The following CBX7 variants were observed in gnomAD, a reference collection of about 807,000 sequenced individuals.
The protein encoded by CBX7 is chromobox protein homolog 7.
In CBX7, 14 loss-of-function variants were observed where a neutral mutation model predicts 31.4. That is an observed-to-expected ratio of 0.45 (90% confidence interval 0.29 to 0.70). The LOEUF (loss-of-function observed/expected upper bound fraction) is 0.70, where lower values mean the gene tolerates loss of function less well. Among genes scored for constraint, CBX7 ranks in the 30% least tolerant of loss-of-function variants. CBX7 has a pLI of 0.11. For missense variants in CBX7, 269 were observed against 351.9 expected (o/e 0.76, Z 1.89); for synonymous variants, 159 against 152.6 (o/e 1.04, Z -0.31).
At chr22:39,149,034 C>G (rs900109944) in intron 2 of CBX7, 1 of 79,896 alleles carries the variant, frequency 1.3e-5, no homozygotes, top group African/African-American at 1.1e-4. Context: ...ACGACTAGCT[C>G]ATTCCCTCCC....
chr22:39,133,639 C>G lies in CBX7; in HGVS notation c.*252G>C, dbSNP rs1249430393. The G allele has an allele frequency of 1.6e-5, 6 of 386,322 alleles. No individual in the cohort carries two copies. The allele number at this position is 386,322 out of a possible 1,614,324, so 23.9% of individuals were successfully genotyped here. On this transcript the variant is annotated 3_prime_UTR_variant, in exon 6 of 6. Coordinates refer to ENST00000216133, the MANE Select transcript of CBX7 (RefSeq NM_175709.5). ...AATGGTGGTGTCCCGGGCAGGTGATCCTGTCCCCATCCTGCCCTGGGGGTG... is the reference window on the plus strand; with the variant it reads ...AATGGTGGTGTCCCGGGCAGGTGATGCTGTCCCCATCCTGCCCTGGGGGTG...
chr22:39,149,928 C>G (rs1465534163), intron 1 of CBX7, 96 bp from the exon 2 acceptor site: 2 of 933,054 alleles, frequency 2.1e-6, no homozygotes, highest in Non-Finnish European at 3.5e-6. Context: ...AGCTCCAAAT[C>G]CCATCTGCAG....
In CBX7 at chr22:39,141,353, G is replaced by A. The variant is rs1033291320; in HGVS notation, c.179+18C>T. On this transcript the variant is annotated intron_variant, in intron 3 of 5. Transcript: ENST00000216133. The stretch of plus-strand genomic sequence containing the variant: ...AGCCGGCCCTAAGCCCCACCCGGCG[G>A]TGCCGAGGACACCGTACTTCTCCTC... The A allele has an allele frequency of 1.2e-6, 2 of 1,607,112 alleles. No individual in the cohort carries two copies. The highest frequency in any genetic ancestry group is 1.7e-6 in the Non-Finnish European group (2 of 1,176,896).
At position 39,139,188 on chromosome 22, in the gene CBX7, C is replaced by T. The variant is rs1016856751; in HGVS notation, c.180-486G>A. On this transcript the variant is annotated intron_variant, in intron 3 of 5. Transcript: ENST00000216133. ...TGGGATCTCTGTGAACCTGGGAGAG[C>T]GGACCGGCTCCTACCCTGTCTGTCC... is the stretch of plus-strand genomic sequence containing the variant. Among the ~76,000 whole-genome samples, 14 of 152,138 alleles carry T rather than the reference C, an allele frequency of 9.2e-5. 1 individual carries two copies. Among genetic ancestry groups the T allele is most frequent in the South Asian group, 6.2e-4 (3 of 4,836 alleles).
At chr22:39,149,930 C>G in intron 1 of CBX7, 98 bp from the exon 2 acceptor site, 1 of 895,082 alleles carries the variant, frequency 1.1e-6, no homozygotes, top group Non-Finnish European at 1.9e-6. Flanking sequence ...CTCCAAATCC[C>G]ATCTGCAGAC....
rs2146349081 is a variant in CBX7 at position 39,133,810 on chromosome 22, C to G, written c.*81G>C. 7.7e-7 allele frequency: 1 copy of G among 1,298,656 alleles called. No individual in the cohort carries two copies. The highest frequency in any genetic ancestry group is 2.7e-5 in the East Asian group (1 of 37,388). 80.4% of individuals were successfully genotyped at this position (1,298,656 alleles called of 1,614,324 possible). A position where few individuals can be genotyped will look rare whatever the true frequency, so the allele number is the denominator to read the frequency against. ...TATTTTTTTAAATAAAATAATTACC[C>G]CGCCCCCAACCCATCCCTATCTCTG... On this transcript the variant is annotated 3_prime_UTR_variant, in exon 6 of 6. Transcript: ENST00000216133.
At chr22:39,142,795 G>A (rs572128403) in intron 2 of CBX7, among the ~76,000 whole-genome samples, 1 of 152,084 alleles carries the variant, frequency 6.6e-6, no homozygotes, top group South Asian at 2.1e-4. Flanking sequence ...ATTTCTGTCC[G>A]TGACGGCCTG....
rs566886290 is a variant in CBX7, at chr22:39,131,198, C to A, written c.*2693G>T. 6.6e-6 allele frequency: 1 copy of A among 152,570 alleles called. No homozygotes were observed. The highest frequency in any genetic ancestry group is 2.1e-4 in the South Asian group (1 of 4,828). 9.5% of individuals were successfully genotyped at this position (152,570 alleles called of 1,614,324 possible). Reference sequence around the variant, plus strand: ...AGCAGTGACAGTCCTGCATTCCAGGCGGCTGTGCCAGGGGTGGGGGTACCT... The same window carrying A: ...AGCAGTGACAGTCCTGCATTCCAGGAGGCTGTGCCAGGGGTGGGGGTACCT... On this transcript the variant is annotated 3_prime_UTR_variant, in exon 6 of 6. Transcript: ENST00000216133.
At position 39,141,395 on chromosome 22, in the gene CBX7, C is replaced by T. The variant is rs138243350; in HGVS notation, c.155G>A (p.Arg52His). ...WEPEEHILDPRLVMAYEEKEE... is the reference protein window; with the variant it reads ...WEPEEHILDPHLVMAYEEKEE... ...CTTCTCCTCGTAGGCCATGACGAGG[C>T]GGGGGTCCAAGATGTGCTCTTCTGG... The change falls in exon 3 of 6, where the codon CGC becomes CAC. Residue 52 changes from arginine (R) to histidine (H), a missense_variant. Transcript: ENST00000216133. 1.1e-5 allele frequency: 17 copies of T among 1,612,282 alleles called. No individual in the cohort carries two copies. Among genetic ancestry groups the T allele is most frequent in the East Asian group, 2.2e-5 (1 of 44,822 alleles).
rs1197858755 is a variant in CBX7 at position 39,152,501 on chromosome 22, G to A, written c.-57C>T. ...GGCCGGGCCGGGGGCGGAGCTGCGG[G>A]GCCGCGGCTGCGGCGCGCGATGCTG... On this transcript the variant is annotated 5_prime_UTR_variant, in exon 1 of 6. Transcript: ENST00000216133. The surrounding 1 kb of genome is among the most constrained non-coding windows in gnomAD (Gnocchi z 4.9). 2 of 806,526 alleles carry A rather than the reference G, an allele frequency of 2.5e-6. No homozygotes were observed. The highest frequency in any genetic ancestry group is 2.4e-4 in the East Asian group (2 of 8,296). 50.0% of individuals were successfully genotyped at this position (806,526 alleles called of 1,614,324 possible).
At chr22:39,134,072 G>A (rs1432589824) in intron 5 of CBX7, 24 bp from the exon 6 acceptor site, 3 of 1,571,388 alleles carry the variant, frequency 1.9e-6, no homozygotes, top group African/African-American at 1.4e-5. Context: ...CACACAGATG[G>A]GGGCAGCGTT....
chr22:39,152,350 T>C lies in CBX7; in HGVS notation c.69+26A>G. ...GACGGGAGGGACCCCACTGGGGTCC[T>C]GGGAGCCGCCCCCGGGCAGCCTCAC... On this transcript the variant is annotated intron_variant, in intron 1 of 5. Coordinates refer to ENST00000216133, the MANE Select transcript of CBX7 (RefSeq NM_175709.5). The surrounding 1 kb of genome is among the most constrained non-coding windows in gnomAD (Gnocchi z 4.9). 2.9e-6 allele frequency: 4 copies of C among 1,371,564 alleles called. No individual in the cohort carries two copies. Among genetic ancestry groups the C allele is most frequent in the Non-Finnish European group, 3.8e-6 (4 of 1,054,100 alleles). The allele number at this position is 1,371,564 out of a possible 1,614,324, so 85.0% of individuals were successfully genotyped here.
intron 2 of CBX7, among the ~76,000 whole-genome samples, chr22:39,144,883 T>A (rs1930587772): frequency 6.6e-6 from 1 of 152,200 alleles, no homozygotes; most frequent in African/African-American, 2.4e-5. Context: ...AGGTGCTTAG[T>A]TCTTACCCCC....
intron 4 of CBX7, chr22:39,136,429 C>T: frequency 6.5e-6 from 1 of 152,866 alleles, no homozygotes; most frequent in Non-Finnish European, 1.5e-5. Flanking sequence ...CTTCCCTGCT[C>T]TCTCTCTCAG....
chr22:39,134,720 G>A lies in CBX7; in HGVS notation c.279C>T (p.His93=), dbSNP rs1409581399. 3 of 1,566,092 alleles carry A rather than the reference G, an allele frequency of 1.9e-6. No individual in the cohort carries two copies. The Admixed American group carries it at 5.5e-5, about 29-fold the overall frequency. The change falls in exon 5 of 6, where the codon CAC becomes CAT. Residue 93 remains histidine (H), a synonymous_variant. Coordinates refer to ENST00000216133, the MANE Select transcript of CBX7 (RefSeq NM_175709.5). The part of the protein sequence containing the change: ...RLYSMDLRSS[H]KAKGKEKLCF... The stretch of plus-strand genomic sequence containing the variant: ...AGAGCTTCTCCTTGCCCTTGGCCTT[G>A]TGGGAGCTCCGCAGGTCCATGCTGT...
chr22:39,149,119 C>G (rs998956874), intron 2 of CBX7: 5 of 152,332 alleles, frequency 3.3e-5, no homozygotes, highest in African/African-American at 1.2e-4. Context: ...GCTGGGAGGT[C>G]TCAGATACAG....
At position 39,142,454 on chromosome 22, in the gene CBX7, G is replaced by A. The variant is rs139160594; in HGVS notation, c.114-1018C>T. ...GGCTGAATGGTTCAGCAGGCCTAGC[G>A]CAGGCCCCCGGGTAATGCTACAGGG... On this transcript the variant is annotated intron_variant, in intron 2 of 5. Transcript: ENST00000216133. Among the ~76,000 whole-genome samples, 1,015 of 152,264 alleles carry A rather than the reference G, an allele frequency of 6.7e-3. 15 individuals are homozygous for A. The highest frequency in any genetic ancestry group is 0.024 in the African/African-American group (984 of 41,530).
At chr22:39,137,764 G>A (rs897692347) in intron 4 of CBX7, among the ~76,000 whole-genome samples, 1 of 152,174 alleles carries the variant, frequency 6.6e-6, no homozygotes, top group Non-Finnish European at 1.5e-5. Flanking sequence ...CTACGACGTG[G>A]GTACTCCGGG....
chr22:39,149,379 C>A, intron 2 of CBX7: 1 of 228,488 alleles, frequency 4.4e-6, no homozygotes. Context: ...TCAGGCTCTG[C>A]CCCTGGCCAC....
Sources: allele counts gnomAD v4.1 joint callset (sites outside exome capture counted in the v4.1 genomes callset), GRCh38; gene constraint gnomAD v4.1.1; non-coding constraint Gnocchi (gnomAD v3.1); transcripts MANE v1.5; gene names NCBI Gene and HGNC (gene_info 2026-07-23, HGNC 2026-07-21).